The following PRP4K variants were observed in gnomAD, a reference collection of about 807,000 sequenced individuals.
PRP4K encodes pre-mRNA processing factor kinase PRP4K.
chr6:4,022,773 C>T, the PRP4K span, among the ~76,000 whole-genome samples: 1 of 152,198 alleles, frequency 6.6e-6, no homozygotes, highest in Non-Finnish European at 1.5e-5. Flanking sequence ...CTTACTGTTT[C>T]TCACCAAGTT....
the PRP4K span, chr6:4,053,011 A>C: frequency 1.3e-6 from 1 of 760,858 alleles, no homozygotes; most frequent in Non-Finnish European, 1.9e-6. Context: ...AATGACTAAT[A>C]CTTTTTTATC....
At chr6:4,024,946 T>A in the PRP4K span, among the ~76,000 whole-genome samples, 1 of 152,228 alleles carries the variant, frequency 6.6e-6, no homozygotes, top group East Asian at 1.9e-4. Flanking sequence ...TTTCATTCAT[T>A]GTGCTGGGTG....
the PRP4K span, among the ~76,000 whole-genome samples, chr6:4,057,751 CTTTTTTT>C: frequency 1.2e-5 from 1 of 81,086 alleles, no homozygotes; most frequent in Admixed American, 1.5e-4. Context: ...CATAACTTAG[CTTTTTTT>C]TTTTTTTTTT....
At chr6:4,039,432 G>T in the PRP4K span, among the ~76,000 whole-genome samples, 1 of 152,164 alleles carries the variant, frequency 6.6e-6, no homozygotes, top group Non-Finnish European at 1.5e-5. Flanking sequence ...TCTTTGGTAT[G>T]TGCCTCTCAG....
At chr6:4,049,308 A>G in the PRP4K span, 8 of 556,230 alleles carry the variant, frequency 1.4e-5, no homozygotes, top group Non-Finnish European at 2.2e-5. Flanking sequence ...GGAGTGAGGT[A>G]AAGTCTTGAT....
the PRP4K span, chr6:4,052,843 A>T: frequency 6.2e-7 from 1 of 1,612,856 alleles, no homozygotes; most frequent in Non-Finnish European, 8.5e-7. Flanking sequence ...GCAATATCCT[A>T]CATGCAGATA....
At chr6:4,048,898 A>C in the PRP4K span, 2 of 613,338 alleles carry the variant, frequency 3.3e-6, no homozygotes, top group Non-Finnish European at 5.4e-6. Context: ...AATTTATTTA[A>C]TTTGGAATAA....
chr6:4,058,391 G>GA, the PRP4K span, among the ~76,000 whole-genome samples: 2 of 152,154 alleles, frequency 1.3e-5, no homozygotes, highest in Admixed American at 6.5e-5. Flanking sequence ...CTGCCAAGGA[G>GA]AAAAAACCTG....
the PRP4K span, chr6:4,049,677 TTTCTGA>T: frequency 6.6e-7 from 1 of 1,519,486 alleles, no homozygotes; most frequent in Non-Finnish European, 9.0e-7. Flanking sequence ...TGTTTCCTAC[TTTCTGA>T]TTCTATTTAT....
chr6:4,060,902 A>G, the PRP4K span: 3 of 369,762 alleles, frequency 8.1e-6, no homozygotes, highest in Non-Finnish European at 1.5e-5. This position sits in a 1 kb window ranked among gnomAD's most constrained non-coding sequence, Gnocchi z 4.7. Context: ...AGCATCTGTT[A>G]TGAAATGAGT....
the PRP4K span, chr6:4,052,957 C>T: frequency 8.7e-6 from 11 of 1,267,118 alleles, no homozygotes; most frequent in South Asian, 1.5e-4. Flanking sequence ...CTATGAGAAA[C>T]GACATCTTAG....
At chr6:4,053,411 G>C in the PRP4K span, among the ~76,000 whole-genome samples, 1 of 152,030 alleles carries the variant, frequency 6.6e-6, no homozygotes, top group Non-Finnish European at 1.5e-5. Flanking sequence ...TTGTGTCATG[G>C]AGGGTTTGTA....
chr6:4,056,769 C>T, the PRP4K span: 1 of 1,409,622 alleles, frequency 7.1e-7, no homozygotes, highest in African/African-American at 1.4e-5. Context: ...GCACCTCCAC[C>T]AAAGGCGAAA....
At chr6:4,036,049 C>T in the PRP4K span, among the ~76,000 whole-genome samples, 1 of 152,050 alleles carries the variant, frequency 6.6e-6, no homozygotes, top group Non-Finnish European at 1.5e-5. Context: ...TCTGACTGTT[C>T]AGATTGAATA....
the PRP4K span, among the ~76,000 whole-genome samples, chr6:4,046,998 T>C: frequency 1.3e-5 from 2 of 152,202 alleles, no homozygotes; most frequent in East Asian, 1.9e-4. Flanking sequence ...TACTAAAAAG[T>C]GAATACCTTT....
chr6:4,021,487 G>T, the PRP4K span: 6 of 1,574,174 alleles, frequency 3.8e-6, no homozygotes, highest in Non-Finnish European at 4.3e-6. Context: ...TCTGTGAGTG[G>T]GCCAGAAGCT....
chr6:4,024,175 A>G, the PRP4K span, among the ~76,000 whole-genome samples: 1 of 151,984 alleles, frequency 6.6e-6, no homozygotes. Context: ...ATGCCTAGCT[A>G]ATTTTTAAGT....
At chr6:4,037,491 T>A in the PRP4K span, 1 of 1,613,748 alleles carries the variant, frequency 6.2e-7, no homozygotes, top group South Asian at 1.1e-5. Flanking sequence ...AAGAAGTAGA[T>A]CTCCCATTAG....
At chr6:4,045,008 G>A in the PRP4K span, among the ~76,000 whole-genome samples, 13 of 151,820 alleles carry the variant, frequency 8.6e-5, no homozygotes, top group African/African-American at 2.2e-4. Flanking sequence ...GACTACAGGC[G>A]CCTGCCACCA....
Sources: gnomAD v4.1 joint callset for allele counts (sites outside exome capture counted in the v4.1 genomes callset) on GRCh38, gnomAD v4.1.1 for gene constraint, Gnocchi (gnomAD v3.1) non-coding constraint, MANE v1.5 for transcripts, NCBI Gene and HGNC (gene_info 2026-07-23, HGNC 2026-07-21) for gene names.